The following EVI5 variants were observed in gnomAD, a reference collection of about 807,000 sequenced individuals.
EVI5 encodes ecotropic viral integration site 5, also known as ecotropic viral integration site 5 protein homolog.
EVI5 carries 73 observed loss-of-function variants against 112.0 expected under a neutral mutation model. That is an observed-to-expected ratio of 0.65 (90% CI 0.54 to 0.79). The LOEUF (loss-of-function observed/expected upper bound fraction) is 0.79, where lower values mean the gene tolerates loss of function less well. Among genes scored for constraint, EVI5 ranks in the 30% least tolerant of loss-of-function variants. The probability of loss-of-function intolerance (pLI) is 0.00; values close to 1 mark genes in which losing one functional copy is unlikely to be tolerated. For synonymous variants in EVI5, 305 were observed against 319.9 expected, an observed-to-expected ratio of 0.95 and a Z score of 0.50; for missense variants, 900 against 968.8, an observed-to-expected ratio of 0.93 and a Z score of 0.94.
chr1:92,564,141 T>G (rs10465756), intron 18 of EVI5, among the ~76,000 whole-genome samples: 129,523 of 152,090 alleles, frequency 0.85, 55,535 homozygotes, highest in East Asian at 0.97. Flanking sequence ...CAGGCTGGTC[T>G]CAAACTTCTG....
chr1:92,624,599 T>C (rs1655241308), intron 15 of EVI5, among the ~76,000 whole-genome samples: 1 of 146,766 alleles, frequency 6.8e-6, no homozygotes, highest in Non-Finnish European at 1.5e-5. Flanking sequence ...TCCCAGCACT[T>C]TGGGAGGCCA....
intron 18 of EVI5, among the ~76,000 whole-genome samples, chr1:92,582,529 A>G (rs894073679): frequency 6.6e-6 from 1 of 152,144 alleles, no homozygotes; most frequent in Non-Finnish European, 1.5e-5. Context: ...GCACAAGCAA[A>G]AGCCTTAATG....
intron 19 of EVI5, among the ~76,000 whole-genome samples, chr1:92,551,040 C>CTTTTCT (rs1666836932): frequency 2.5e-5 from 2 of 80,702 alleles, no homozygotes; most frequent in African/African-American, 1.0e-4. Context: ...TTCTTTCTTT[C>CTTTTCT]TTTTTTTTTT....
At chr1:92,735,630 GA>G (rs1677212978) in intron 2 of EVI5, among the ~76,000 whole-genome samples, 1 of 67,042 alleles carries the variant, frequency 1.5e-5, no homozygotes, top group African/African-American at 5.6e-5. Flanking sequence ...TATGATATAT[GA>G]TATATGTCAT....
rs764172217 is a variant in EVI5, at chr1:92,697,980, T to C, written c.645A>G (p.Pro215=). ...FIVGLLLMQM[P]EEEAFCVFVK... ...CAAATACACAGAAAGCTTCTTCTTC[T>C]GGCATCTACATTGGAAGAAAAAAAA... The change falls in exon 6 of 20, where the codon CCA becomes CCG. Residue 215 remains proline, a synonymous_variant. Transcript: ENST00000684568. 1.2e-6 allele frequency: 2 copies of C among 1,609,854 alleles called. No individual in the cohort carries two copies. Among genetic ancestry groups the C allele is most frequent in the South Asian group, 2.2e-5 (2 of 90,044 alleles).
intron 13 of EVI5, among the ~76,000 whole-genome samples, chr1:92,649,770 C>A (rs1012010809): frequency 6.6e-6 from 1 of 152,102 alleles, no homozygotes; most frequent in Non-Finnish European, 1.5e-5. Flanking sequence ...GCTGATTGTG[C>A]CCTTACACTC....
rs185891998 is a variant in EVI5 at position 92,682,610 on chromosome 1, A to T, written c.1098-5392T>A. On this transcript the variant is annotated intron_variant, in intron 9 of 19. Transcript: ENST00000684568. ...AACCCAGTCTCTACTAAAAATTTTT[A>T]AAAAATTAGCTGGACATGGTGGCAT... is the stretch of plus-strand genomic sequence containing the variant. 4.7e-3 allele frequency among the ~76,000 whole-genome samples: 722 copies of T among 152,200 alleles called. 2 individuals carry two copies. Among genetic ancestry groups the T allele is most frequent in the Non-Finnish European group, 8.6e-3 (586 of 68,012 alleles).
intron 1 of EVI5, among the ~76,000 whole-genome samples, chr1:92,738,701 ATAGT>A (rs1341881010): frequency 7.9e-5 from 12 of 152,192 alleles, no homozygotes; most frequent in South Asian, 2.1e-4. Flanking sequence ...GTTCTTAAAT[ATAGT>A]TAGAGTATTT....
At position 92,697,313 on chromosome 1, in the gene EVI5, T is replaced by C. The variant is rs1670473832; in HGVS notation, c.765+547A>G. ...ATTAAATCCAGAAAGGTAAAATACT[T>C]CAAAGGTATTTTTCCCTTGATTTTG... On this transcript the variant is annotated intron_variant, in intron 6 of 19. Transcript: ENST00000684568. Among the ~76,000 whole-genome samples the C allele has an allele frequency of 1.3e-5, 2 of 152,028 alleles. 1 individual carries two copies. The highest frequency in any genetic ancestry group is 1.3e-4 in the Admixed American group (2 of 15,282).
chr1:92,585,016 G>A (rs1195775036), intron 18 of EVI5, among the ~76,000 whole-genome samples: 1 of 152,118 alleles, frequency 6.6e-6, no homozygotes, highest in Non-Finnish European at 1.5e-5. Flanking sequence ...CTGAGGTCAG[G>A]TGTTCGAGAC....
intron 19 of EVI5, among the ~76,000 whole-genome samples, chr1:92,535,932 T>C (rs1663817416): frequency 6.6e-6 from 1 of 151,862 alleles, no homozygotes; most frequent in African/African-American, 2.4e-5. Flanking sequence ...AAGCCCTAGG[T>C]ACTAATTATT....
intron 1 of EVI5, among the ~76,000 whole-genome samples, chr1:92,748,214 A>G (rs544063711): frequency 7.0e-4 from 107 of 152,290 alleles, no homozygotes; most frequent in Middle Eastern, 3.4e-3. Flanking sequence ...GTTATTACTG[A>G]GCTTAACTCT....
At chr1:92,547,513 G>T (rs1665947338) in intron 19 of EVI5, among the ~76,000 whole-genome samples, 1 of 151,984 alleles carries the variant, frequency 6.6e-6, no homozygotes, top group Non-Finnish European at 1.5e-5. Flanking sequence ...CAGAACTGAA[G>T]GAGATAGAGA....
intron 19 of EVI5, among the ~76,000 whole-genome samples, chr1:92,519,512 ACACT>A: frequency 6.6e-6 from 1 of 152,318 alleles, no homozygotes; most frequent in South Asian, 2.1e-4. Flanking sequence ...TACCAGCAAA[ACACT>A]CACATTAAAA....
intron 2 of EVI5, among the ~76,000 whole-genome samples, chr1:92,725,269 C>T (rs893877428): frequency 1.5e-4 from 23 of 152,062 alleles, no homozygotes; most frequent in East Asian, 1.9e-4. Flanking sequence ...AAAATTATAC[C>T]TATCCTCACC....
intron 13 of EVI5, chr1:92,647,488 G>A (rs1237713278): frequency 6.4e-6 from 3 of 471,090 alleles, no homozygotes; most frequent in Non-Finnish European, 1.2e-5. Flanking sequence ...CTCTTTGCCA[G>A]ACACTGTCTT....
Position 92,513,651 on chromosome 1 carries a change from G to T in EVI5, c.*5C>A, listed in dbSNP as rs199710333. ...ATAAATCCATAGTCTAGGTCACAGT[G>T]ATGGTCAGACAGTGGTTGAATACGA... On this transcript the variant is annotated 3_prime_UTR_variant, in exon 20 of 20. Transcript: ENST00000684568. The T allele has an allele frequency of 1.3e-6, 2 of 1,584,822 alleles. No individual in the cohort carries two copies. Among genetic ancestry groups the T allele is most frequent in the African/African-American group, 1.4e-5 (1 of 73,196 alleles).
intron 18 of EVI5, among the ~76,000 whole-genome samples, chr1:92,597,270 T>TAA: frequency 6.6e-6 from 1 of 152,322 alleles, no homozygotes; most frequent in South Asian, 2.1e-4. Context: ...ATGTCATATT[T>TAA]ATTTTTGCAG....
chr1:92,561,343 T>C (rs1186434854), intron 19 of EVI5, among the ~76,000 whole-genome samples: 1 of 152,160 alleles, frequency 6.6e-6, no homozygotes, highest in Non-Finnish European at 1.5e-5. Flanking sequence ...AGGTTTTTTT[T>C]CCTTTCTTTT....
Sources: allele counts gnomAD v4.1 joint callset (sites outside exome capture counted in the v4.1 genomes callset), GRCh38; gene constraint gnomAD v4.1.1; transcripts MANE v1.5; gene names NCBI Gene and HGNC (gene_info 2026-07-23, HGNC 2026-07-21).